NEK5: variants seen among roughly 807,000 people sequenced by gnomAD.
NEK5 encodes the protein NIMA related kinase 5.
Under a neutral mutation model 109.2 loss-of-function variants are expected in NEK5, and 88 were observed. The ratio of observed to expected loss-of-function variants is 0.81; its 90% confidence interval spans 0.68 to 0.96. The LOEUF (loss-of-function observed/expected upper bound fraction) is 0.96. Among genes scored for constraint, NEK5 ranks in the 40% least tolerant of loss-of-function variants. The pLI, the probability that NEK5 is intolerant of heterozygous loss-of-function variation, is 0.00. For synonymous variants in NEK5, 283 were observed against 299.9 expected (o/e 0.94, Z 0.58); for missense variants, 834 against 920.7 (o/e 0.91, Z 1.22).
rs1006963114 is a variant in NEK5, at chr13:52,033,739, A to G, written c.*3209T>C. The stretch of plus-strand genomic sequence containing the variant: ...CTTATAGACAAAATTAAGAGACACC[A>G]GTGTGGTTATCAATGCTTTCAGAAT... On this transcript the variant is annotated 3_prime_UTR_variant, in exon 24 of 24. Coordinates refer to ENST00000684899, the MANE Select transcript of NEK5 (RefSeq NM_001365552.1). 2 of 152,712 alleles carry G rather than the reference A, an allele frequency of 1.3e-5. No homozygotes were observed. The highest frequency in any genetic ancestry group is 2.9e-5 in the Non-Finnish European group (2 of 68,032). The allele number at this position is 152,712 out of a possible 1,614,324, so 9.5% of individuals were successfully genotyped here. A position where few individuals can be genotyped will look rare whatever the true frequency, so the allele number is the denominator to read the frequency against.
At chr13:52,063,043 ACGG>A (rs1212206321) in intron 21 of NEK5, among the ~76,000 whole-genome samples, 170 of 149,644 alleles carry the variant, frequency 1.1e-3, no homozygotes, top group African/African-American at 3.8e-3. Flanking sequence ...CCCTCTCCCC[ACGG>A]TCCCCCTCTC....
intron 16 of NEK5, 54 bp from the exon 17 acceptor site, chr13:52,083,406 G>T (rs1955055052): frequency 3.7e-6 from 4 of 1,081,968 alleles, no homozygotes; most frequent in East Asian, 2.4e-5. Context: ...GAGCTCTGAA[G>T]GCTACTTGGC....
intron 20 of NEK5, among the ~76,000 whole-genome samples, chr13:52,070,813 A>C (rs1274285989): frequency 1.3e-5 from 2 of 152,230 alleles, no homozygotes; most frequent in Non-Finnish European, 2.9e-5. Flanking sequence ...AAGGGGAAGG[A>C]AAAGGGAAAA....
Position 52,059,954 on chromosome 13 carries a change from TAATAAAAA to T in NEK5, c.2110+1857_2110+1864del, listed in dbSNP as rs1044085558. On this transcript the variant is annotated intron_variant, in intron 22 of 23. Coordinates refer to ENST00000684899, the MANE Select transcript of NEK5 (RefSeq NM_001365552.1). ...ATGTACCCTAAAACTTAAAGTATAA[TAATAAAAA>T]AATAAAAAAATAATAATAATCATAA... Among the ~76,000 whole-genome samples, 40 of 152,008 alleles carry T rather than the reference TAATAAAAA, an allele frequency of 2.6e-4. 1 individual carries two copies. Among genetic ancestry groups the T allele is most frequent in the South Asian group, 2.1e-4 (1 of 4,818 alleles).
Position 52,110,573 on chromosome 13 carries a change from AG to A in NEK5, c.316del (p.Leu106SerfsTer9). The A allele has an allele frequency of 6.2e-7, 1 of 1,605,442 alleles. No homozygotes were observed. The highest frequency in any genetic ancestry group is 8.5e-7 in the Non-Finnish European group (1 of 1,173,424). On this transcript the variant is annotated frameshift_variant, in exon 6 of 24. Coordinates refer to ENST00000684899, the MANE Select transcript of NEK5 (RefSeq NM_001365552.1). LOFTEE classifies it high-confidence loss of function. ...RGVLFSEDQI[L>X]GWFVQISLGL... ...TAGAGAAATCTGTACAAACCAACCGAGGATCTATAGAGAGAACACAAAACAA... is the reference window on the plus strand; with the variant it reads ...TAGAGAAATCTGTACAAACCAACCGAGATCTATAGAGAGAACACAAAACAA...
rs536742317 is a variant in NEK5 at position 52,061,941 on chromosome 13, A to G, written c.1988T>C (p.Ile663Thr). ...GTTTCCTGGAATGCCTTCAATCACA[A>G]TAACTTGGCCATCTGAAGAGGAAAG... Reference protein sequence around the residue: ...CPTGPDNGQVIVIEGIPGNRK... With the variant: ...CPTGPDNGQVTVIEGIPGNRK... The change falls in exon 22 of 24, where the codon ATT becomes ACT. Residue 663 changes from isoleucine to threonine, a missense_variant. Ile to Thr is a moderately conservative substitution (Grantham distance 89). Coordinates refer to ENST00000684899, the MANE Select transcript of NEK5 (RefSeq NM_001365552.1). The G allele has an allele frequency of 1.1e-3, 783 of 727,158 alleles. 1 individual carries two copies. Among genetic ancestry groups the G allele is most frequent in the Admixed American group, 3.4e-3 (54 of 15,934 alleles). The allele number at this position is 727,158 out of a possible 1,614,324, so 45.0% of individuals were successfully genotyped here.
chr13:52,079,879 C>G (rs1028406121), intron 17 of NEK5, among the ~76,000 whole-genome samples: 6 of 151,548 alleles, frequency 4.0e-5, no homozygotes, highest in Non-Finnish European at 8.8e-5. Flanking sequence ...GGCCGCCCAT[C>G]GTCTGAGATG....
At chr13:52,072,391 C>A (rs1223561657) in intron 19 of NEK5, among the ~76,000 whole-genome samples, 1 of 152,206 alleles carries the variant, frequency 6.6e-6, no homozygotes, top group Non-Finnish European at 1.5e-5. Flanking sequence ...CATTCATGCC[C>A]TGTTTTAAGT....
rs2140866408 is a variant in NEK5, at chr13:52,036,252, CA to C, written c.*695del. On this transcript the variant is annotated 3_prime_UTR_variant, in exon 24 of 24. Transcript: ENST00000684899. Reference sequence around the variant, plus strand: ...GGTTTTCTCTTTTGTCTTCCTCTTCCACTTGTAAGGACCCTTGTGATTACAC... The same window carrying C: ...GGTTTTCTCTTTTGTCTTCCTCTTCCCTTGTAAGGACCCTTGTGATTACAC... 1 of 152,316 alleles carries C rather than the reference CA, an allele frequency of 6.6e-6. No individual in the cohort carries two copies. The highest frequency in any genetic ancestry group is 2.4e-5 in the African/African-American group (1 of 41,538). 9.4% of individuals were successfully genotyped at this position (152,316 alleles called of 1,614,324 possible).
chr13:52,075,854 G>C (rs971997362), intron 18 of NEK5, 28 bp from the exon 19 acceptor site: 2 of 1,152,258 alleles, frequency 1.7e-6, no homozygotes, highest in African/African-American at 1.7e-5. Flanking sequence ...AAAAAAAAAA[G>C]TTTAGCAATT....
chr13:52,054,058 C>T (rs1954531236), intron 22 of NEK5, among the ~76,000 whole-genome samples: 1 of 152,100 alleles, frequency 6.6e-6, no homozygotes, highest in South Asian at 2.1e-4. Context: ...CACTAAAATG[C>T]CTTTTAATTC....
intron 12 of NEK5, among the ~76,000 whole-genome samples, chr13:52,095,355 A>G (rs1955384484): frequency 6.6e-6 from 1 of 152,254 alleles, no homozygotes; most frequent in Non-Finnish European, 1.5e-5. Flanking sequence ...ATAGAAAAGT[A>G]TTGAAAGGCA....
chr13:52,087,399 C>T lies in NEK5; in HGVS notation c.1331G>A (p.Ser444Asn), dbSNP rs1392369542. The change falls in exon 15 of 24, where the codon AGT (serine) becomes AAT (asparagine). Residue 444 changes from serine to asparagine, a missense_variant. Transcript: ENST00000684899. Reference sequence around the variant, plus strand: ...CTGGAATCTAGGCTCTTCTCCATTACTTCTTAGCTCTTGTCTCTGGTTGTA... The same window carrying T: ...CTGGAATCTAGGCTCTTCTCCATTATTTCTTAGCTCTTGTCTCTGGTTGTA... ...PNYNQRQELR[S>N]NGEEPRFQEL... 3 of 1,612,452 alleles carry T rather than the reference C, an allele frequency of 1.9e-6. No homozygotes were observed. Among genetic ancestry groups the T allele is most frequent in the Admixed American group, 1.7e-5 (1 of 60,000 alleles).
intron 16 of NEK5, among the ~76,000 whole-genome samples, chr13:52,085,040 G>C (rs983305785): frequency 6.6e-6 from 1 of 152,102 alleles, no homozygotes; most frequent in Non-Finnish European, 1.5e-5. Flanking sequence ...AAGTATGAAC[G>C]TGATATGGTT....
intron 22 of NEK5, among the ~76,000 whole-genome samples, chr13:52,055,429 G>C (rs1055040966): frequency 6.6e-6 from 1 of 152,214 alleles, no homozygotes; most frequent in East Asian, 1.9e-4. Flanking sequence ...CCAACATTCA[G>C]GTTCAGGAAA....
intron 22 of NEK5, among the ~76,000 whole-genome samples, chr13:52,060,025 G>A (rs144907220): frequency 1.4e-3 from 207 of 151,962 alleles, no homozygotes; most frequent in Middle Eastern, 6.9e-3. Context: ...CTTAAAAAAG[G>A]TTTTTCAAAT....
intron 21 of NEK5, among the ~76,000 whole-genome samples, chr13:52,063,069 C>T (rs925206111): frequency 1.3e-5 from 2 of 151,096 alleles, no homozygotes; most frequent in South Asian, 2.1e-4. Context: ...CACGGTCCCC[C>T]TCTCCCCACG....
At chr13:52,082,522 T>C (rs1341996862) in intron 17 of NEK5, among the ~76,000 whole-genome samples, 4 of 152,200 alleles carry the variant, frequency 2.6e-5, no homozygotes. Flanking sequence ...TCAGAATTGG[T>C]TGAAATCAAC....
At chr13:52,101,070 A>C (rs909967568) in intron 11 of NEK5, among the ~76,000 whole-genome samples, 1 of 152,136 alleles carries the variant, frequency 6.6e-6, no homozygotes, top group Non-Finnish European at 1.5e-5. Flanking sequence ...TCCCTCTGAC[A>C]CACAGCTTAG....
Sources: allele counts gnomAD v4.1 joint callset (sites outside exome capture counted in the v4.1 genomes callset), GRCh38; gene constraint gnomAD v4.1.1; transcripts MANE v1.5; gene names NCBI Gene and HGNC (gene_info 2026-07-23, HGNC 2026-07-21).